KDM1B: variants seen among roughly 807,000 people sequenced by gnomAD.
The protein encoded by KDM1B is lysine-specific histone demethylase 2.
In KDM1B, 63 loss-of-function variants were observed where a neutral mutation model predicts 107.4. The observed-to-expected ratio is 0.59, with a 90% CI of 0.48 to 0.72. The LOEUF is 0.72. Among genes scored for constraint, KDM1B ranks in the 30% least tolerant of loss-of-function variants. KDM1B has a pLI of 0.00. For missense variants in KDM1B, 749 were observed against 1,020.8 expected (o/e 0.73, Z 3.63); for synonymous variants, 363 against 363.9 (o/e 1.00, Z 0.03).
At chr6:18,221,736 G>C (rs183873980) in intron 21 of KDM1B, among the ~76,000 whole-genome samples, 173 bp from the exon 22 acceptor site, 1 of 152,316 alleles carries the variant, frequency 6.6e-6, no homozygotes, top group South Asian at 2.1e-4. Flanking sequence ...ATTTGACAAT[G>C]CATGGCCAGA....
In KDM1B at chr6:18,222,263, G is replaced by T. The variant is rs1208766503; in HGVS notation, c.*271G>T. ...AGAATAAAGCAGAATGTAAGTTTCA[G>T]TTGAGGCCATGGATTTGATTGTTCC... On this transcript the variant is annotated 3_prime_UTR_variant, in exon 22 of 22. Transcript: ENST00000650836. The T allele has an allele frequency of 3.7e-6, 2 of 544,652 alleles. No individual in the cohort carries two copies. Among genetic ancestry groups the T allele is most frequent in the East Asian group, 8.2e-5 (2 of 24,328 alleles). 33.7% of individuals were successfully genotyped at this position (544,652 alleles called of 1,614,324 possible).
rs747902434 is a variant in KDM1B at position 18,221,930 on chromosome 6, C to A, written c.2407C>A (p.Gln803Lys). 11 of 1,606,674 alleles carry A rather than the reference C, an allele frequency of 6.8e-6. No homozygotes were observed. The highest frequency in any genetic ancestry group is 9.4e-6 in the Non-Finnish European group (11 of 1,175,316). Residue 803 changes from glutamine to lysine, a missense_variant, in exon 22 of 22, where the codon CAA (glutamine) becomes AAA (lysine). Coordinates refer to ENST00000650836, the MANE Select transcript of KDM1B (RefSeq NM_001364614.2). The stretch of plus-strand genomic sequence containing the variant: ...ACAGGCAACAAACAGGCATTTCCCA[C>A]AAACTGTTACAGGGGCATATTTGAG... ...AGEATNRHFP[Q>K]TVTGAYLSGV...
At chr6:18,178,672 T>G (rs1463715287) in intron 7 of KDM1B, among the ~76,000 whole-genome samples, 1 of 152,216 alleles carries the variant, frequency 6.6e-6, no homozygotes, top group Non-Finnish European at 1.5e-5. Flanking sequence ...ATTATAGGTG[T>G]GAGCCACTGC....
chr6:18,219,409 T>A (rs1349448944), intron 21 of KDM1B, among the ~76,000 whole-genome samples: 2 of 152,232 alleles, frequency 1.3e-5, no homozygotes, highest in Non-Finnish European at 2.9e-5. Flanking sequence ...ATTGAGCATC[T>A]AATTTTTCCT....
chr6:18,194,744 C>A (rs1285876200), intron 10 of KDM1B, among the ~76,000 whole-genome samples: 1 of 151,990 alleles, frequency 6.6e-6, no homozygotes, highest in Non-Finnish European at 1.5e-5. Flanking sequence ...AGTGATTGCT[C>A]CTCCTGCCTC....
chr6:18,162,961 G>C lies in KDM1B; in HGVS notation c.305+37G>C. The C allele has an allele frequency of 7.6e-7, 1 of 1,320,124 alleles. No individual in the cohort carries two copies. Among genetic ancestry groups the C allele is most frequent in the Non-Finnish European group, 1.1e-6 (1 of 911,832 alleles). The allele number at this position is 1,320,124 out of a possible 1,614,324, so 81.8% of individuals were successfully genotyped here. A position where few individuals can be genotyped will look rare whatever the true frequency, so the allele number is the denominator to read the frequency against. On this transcript the variant is annotated intron_variant, in intron 5 of 21. Transcript: ENST00000650836. This position sits in a 1 kb window ranked among gnomAD's most constrained non-coding sequence, Gnocchi z 4.1. Reference sequence around the variant, plus strand: ...AATTGTGTGAGGTTTCCCTGGAGAAGGGGACCGTGGCAGGGGCAGTGCGTG... The same window carrying C: ...AATTGTGTGAGGTTTCCCTGGAGAACGGGACCGTGGCAGGGGCAGTGCGTG...
chr6:18,174,698 G>T (rs1419953298), intron 7 of KDM1B, among the ~76,000 whole-genome samples: 2 of 151,920 alleles, frequency 1.3e-5, no homozygotes, highest in Non-Finnish European at 2.9e-5. Flanking sequence ...ACATATCAGT[G>T]AGAACATATG....
chr6:18,205,506 T>A lies in KDM1B; in HGVS notation c.1532-31T>A. 6.5e-7 allele frequency: 1 copy of A among 1,539,378 alleles called. No individual in the cohort carries two copies. On this transcript the variant is annotated intron_variant, in intron 14 of 21. Transcript: ENST00000650836. The surrounding 1 kb of genome is among the most constrained non-coding windows in gnomAD (Gnocchi z 5.7). Reference sequence around the variant, plus strand: ...AATTGGAGAATCTTGTTAAAGCTATTTTTTTCTGCTTTGATCCATTCCCAT... The same window carrying A: ...AATTGGAGAATCTTGTTAAAGCTATATTTTTCTGCTTTGATCCATTCCCAT...
intron 16 of KDM1B, 64 bp downstream of exon 16, chr6:18,207,593 A>G (rs937205366): frequency 5.5e-5 from 88 of 1,599,858 alleles, no homozygotes; most frequent in Non-Finnish European, 7.3e-5. Context: ...AGTTCTGGGC[A>G]TGCGGCTCAC....
Position 18,162,238 on chromosome 6 carries a change from T to A in KDM1B, c.216-597T>A, listed in dbSNP as rs1582077058. ...CAGGAGGCTGAGGCATGAGAATCGC[T>A]TGAACCCAGGAGGCAGAGGTTGCAA... On this transcript the variant is annotated intron_variant, in intron 4 of 21. Coordinates refer to ENST00000650836, the MANE Select transcript of KDM1B (RefSeq NM_001364614.2). This position sits in a 1 kb window ranked among gnomAD's most constrained non-coding sequence, Gnocchi z 4.1. Among the ~76,000 whole-genome samples, 8 of 152,242 alleles carry A rather than the reference T, an allele frequency of 5.3e-5. No homozygotes were observed. In the South Asian group the frequency reaches 1.7e-3, roughly 32 times the overall value.
Position 18,180,970 on chromosome 6 carries a change from A to G in KDM1B, c.535-4802A>G, listed in dbSNP as rs1169307352. On this transcript the variant is annotated intron_variant, in intron 7 of 21. Coordinates refer to ENST00000650836, the MANE Select transcript of KDM1B (RefSeq NM_001364614.2). ...TTACTTGCTGACAATTGAGTGGACA[A>G]CTTTGACTTTACTAATTGTTTAAAT... Among the ~76,000 whole-genome samples the G allele has an allele frequency of 2.6e-5, 4 of 152,316 alleles. No homozygotes were observed. In the South Asian group the frequency reaches 6.2e-4, roughly 24 times the overall value.
intron 21 of KDM1B, among the ~76,000 whole-genome samples, chr6:18,219,050 C>T (rs2151051093): frequency 6.6e-6 from 1 of 152,150 alleles, no homozygotes; most frequent in South Asian, 2.1e-4. Context: ...CCACAGGCGC[C>T]CGCCACCACG....
In KDM1B at chr6:18,197,119, A is replaced by G. The variant is rs147647983; in HGVS notation, c.1032A>G (p.Arg344=). The change falls in exon 11 of 22, where the codon CGA becomes CGG. Residue 344 remains arginine, a synonymous_variant. Coordinates refer to ENST00000650836, the MANE Select transcript of KDM1B (RefSeq NM_001364614.2). The surrounding 1 kb of genome is among the most constrained non-coding windows in gnomAD (Gnocchi z 4.5). ...TCGTCCGGGGTCTCGTGCGTATTCGATGCGTTCAGGAAGTGGAGAGAATAC... is the reference window on the plus strand; with the variant it reads ...TCGTCCGGGGTCTCGTGCGTATTCGGTGCGTTCAGGAAGTGGAGAGAATAC... ...HIIVRGLVRI[R]CVQEVERILY... is the part of the protein sequence containing the mutation. 18 of 1,613,952 alleles carry G rather than the reference A, an allele frequency of 1.1e-5. No individual in the cohort carries two copies. The highest frequency in any genetic ancestry group is 1.7e-5 in the Admixed American group (1 of 59,980).
In KDM1B at chr6:18,223,336, G is replaced by GCCC. The variant is rs1789923148; in HGVS notation, c.*1345_*1347dup. 75 of 60,038 alleles carry GCCC rather than the reference G, an allele frequency of 1.2e-3. 1 individual carries two copies. The highest frequency in any genetic ancestry group is 4.5e-3 in the African/African-American group (69 of 15,404). 3.7% of individuals were successfully genotyped at this position (60,038 alleles called of 1,614,324 possible). On this transcript the variant is annotated 3_prime_UTR_variant, in exon 22 of 22. Transcript: ENST00000650836. ...AGGCATTTAAGACACCTCCCCCACC[G>GCCC]CCCGCCCCCCGCCCCCCCCAATCAA...
intron 10 of KDM1B, among the ~76,000 whole-genome samples, chr6:18,196,567 G>A (rs1787667966): frequency 6.6e-6 from 1 of 152,104 alleles, no homozygotes; most frequent in African/African-American, 2.4e-5. Context: ...TTGATGATTA[G>A]TGATGGTGAG....
At position 18,159,922 on chromosome 6, in the gene KDM1B, G is replaced by T. The variant is rs1328307600; in HGVS notation, c.27G>T (p.Lys9Asn). MATPRGRT[K>N]KKASFDHSPD... ...TGGCAACTCCACGGGGGAGGACAAAGAAAAAAGCATCTTTTGATCATTCTC... is the reference window on the plus strand; with the variant it reads ...TGGCAACTCCACGGGGGAGGACAAATAAAAAAGCATCTTTTGATCATTCTC... Residue 9 changes from lysine (K) to asparagine (N), a missense_variant, in exon 3 of 22, where the codon AAG (lysine) becomes AAT (asparagine). Lys to Asn is a moderately conservative substitution (Grantham distance 94). Transcript: ENST00000650836. The surrounding 1 kb of genome is among the most constrained non-coding windows in gnomAD (Gnocchi z 4.5). The T allele has an allele frequency of 1.2e-6, 2 of 1,609,972 alleles. No individual in the cohort carries two copies. Among genetic ancestry groups the T allele is most frequent in the Non-Finnish European group, 1.7e-6 (2 of 1,178,612 alleles).
intron 2 of KDM1B, among the ~76,000 whole-genome samples, chr6:18,158,132 T>C (rs12193799): frequency 0.017 from 2,533 of 152,190 alleles, 38 homozygotes; most frequent in Non-Finnish European, 0.025. Flanking sequence ...ACTTTGAACA[T>C]CATTAGCATT....
rs1379943472 is a variant in KDM1B at position 18,179,877 on chromosome 6, T to C, written c.535-5895T>C. Among the ~76,000 whole-genome samples the C allele has an allele frequency of 2.2e-5, 3 of 137,134 alleles. 1 individual carries two copies. Among genetic ancestry groups the C allele is most frequent in the African/African-American group, 5.7e-5 (2 of 35,094 alleles). 90.0% of individuals were successfully genotyped at this position (137,134 alleles called of 152,430 possible). On this transcript the variant is annotated intron_variant, in intron 7 of 21. Transcript: ENST00000650836. ...TTTTTTTTTTTTTTTTTTTTTTTTT[T>C]TCATAAGGCAGGGTCTCACTCTGTC...
intron 7 of KDM1B, among the ~76,000 whole-genome samples, chr6:18,183,891 A>G (rs1216006849): frequency 1.3e-5 from 2 of 152,116 alleles, no homozygotes; most frequent in Non-Finnish European, 2.9e-5. Context: ...TACTGTGAGC[A>G]TTCTTGCCTG....
Sources: allele counts gnomAD v4.1 joint callset (sites outside exome capture counted in the v4.1 genomes callset), GRCh38; gene constraint gnomAD v4.1.1; non-coding constraint Gnocchi (gnomAD v3.1); transcripts MANE v1.5; gene names NCBI Gene and HGNC (gene_info 2026-07-23, HGNC 2026-07-21).